Variants in FRMD6 observed in about 807,000 individuals in gnomAD.
The protein encoded by FRMD6 is FERM domain containing 6.
In FRMD6, 37 loss-of-function variants were observed where a neutral mutation model predicts 73.2. That is an observed-to-expected ratio of 0.51 (90% CI 0.39 to 0.66). The LOEUF is 0.66. Ranked by LOEUF, FRMD6 falls within the 30% of genes least tolerant of loss-of-function variation. The probability of loss-of-function intolerance (pLI) is 0.00; values close to 1 mark genes in which losing one functional copy is unlikely to be tolerated. For synonymous variants in FRMD6, 273 were observed against 282.2 expected, an observed-to-expected ratio of 0.97 and a Z score of 0.33; for missense variants, 714 against 780.5, an observed-to-expected ratio of 0.91 and a Z score of 1.02.
intron 2 of FRMD6, among the ~76,000 whole-genome samples, chr14:51,596,104 C>A (rs534534245): frequency 6.6e-6 from 1 of 152,176 alleles, no homozygotes; most frequent in East Asian, 1.9e-4. Flanking sequence ...GATTAAAAAG[C>A]AGCAACAGCA....
intron 1 of FRMD6, among the ~76,000 whole-genome samples, chr14:51,563,424 C>T (rs1309201369): frequency 3.9e-5 from 6 of 152,290 alleles, no homozygotes; most frequent in Admixed American, 2.0e-4. Context: ...AATCCCAGCA[C>T]TTTGGGAGGC....
chr14:51,517,843 G>A (rs1884716082), intron 1 of FRMD6, among the ~76,000 whole-genome samples: 1 of 149,998 alleles, frequency 6.7e-6, no homozygotes. Flanking sequence ...CTCACAGATA[G>A]TACTACTAGG....
In FRMD6 at chr14:51,586,734, C is replaced by CTTA. The variant is rs141367143; in HGVS notation, c.-147+16337_-147+16339dup. ...TCTTATGTTCAGGTCTTTACTTTAT[C>CTTA]TTATTATTATTATTAATCATTATTT... On this transcript the variant is annotated intron_variant, in intron 2 of 14. Transcript: ENST00000356218. Among the ~76,000 whole-genome samples, 15 of 150,658 alleles carry CTTA rather than the reference C, an allele frequency of 1.0e-4. No individual in the cohort carries two copies. The East Asian group carries it at 2.2e-3, about 22-fold the overall frequency.
intron 1 of FRMD6, among the ~76,000 whole-genome samples, chr14:51,541,410 C>T (rs1886194159): frequency 6.6e-6 from 1 of 152,122 alleles, no homozygotes; most frequent in South Asian, 2.1e-4. Flanking sequence ...CAAAACTCCT[C>T]TTCTCATGGA....
In FRMD6 at chr14:51,619,198, G is replaced by T. The variant is rs75140864; in HGVS notation, c.-147+48788G>T. On this transcript the variant is annotated intron_variant, in intron 2 of 14. Transcript: ENST00000356218. ...TTACATGAAAACATGAATATACATA[G>T]TATCTATACAGAAGCTGAACAATAT... Among the ~76,000 whole-genome samples, 351 of 152,044 alleles carry T rather than the reference G, an allele frequency of 2.3e-3. 1 individual carries two copies. Among genetic ancestry groups the T allele is most frequent in the African/African-American group, 7.8e-3 (325 of 41,528 alleles).
chr14:51,711,497 A>T, intron 7 of FRMD6, 34 bp from the exon 8 acceptor site: 2 of 1,416,666 alleles, frequency 1.4e-6, no homozygotes, highest in Non-Finnish European at 2.0e-6. Context: ...ATATATAAAA[A>T]CATTTAATTT....
chr14:51,484,783 C>A (rs1489243278), upstream of FRMD6, among the ~76,000 whole-genome samples: 4 of 152,164 alleles, frequency 2.6e-5, no homozygotes, highest in Non-Finnish European at 4.4e-5. Flanking sequence ...ATGATGAGTG[C>A]CAGTTTCTCA....
At chr14:51,406,684 A>T in the FRMD6 span, among the ~76,000 whole-genome samples, 2 of 151,902 alleles carry the variant, frequency 1.3e-5, no homozygotes, top group Admixed American at 1.3e-4. Flanking sequence ...TACTAATTAG[A>T]TCCTCCACCC....
intron 1 of FRMD6, chr14:51,522,782 C>T (rs1885021993): frequency 6.6e-6 from 1 of 152,166 alleles, no homozygotes; most frequent in African/African-American, 2.4e-5. Context: ...AGGAGTCAGA[C>T]CTAAAAGAAA....
chr14:51,604,319 G>A (rs1890159160), intron 2 of FRMD6, among the ~76,000 whole-genome samples: 1 of 152,152 alleles, frequency 6.6e-6, no homozygotes, highest in African/African-American at 2.4e-5. Context: ...CTCTGGCCTT[G>A]TGGTGGGTTG....
chr14:51,482,514 CCT>C, the FRMD6 span, among the ~76,000 whole-genome samples: 1 of 152,144 alleles, frequency 6.6e-6, no homozygotes, highest in Non-Finnish European at 1.5e-5. Context: ...CATTTTACTC[CCT>C]CTATCTCTGC....
At chr14:51,451,953 T>C in the FRMD6 span, among the ~76,000 whole-genome samples, 1 of 152,232 alleles carries the variant, frequency 6.6e-6, no homozygotes, top group East Asian at 1.9e-4. Context: ...CGTGGAGGAC[T>C]TTGACATATC....
At chr14:51,724,965 G>A (rs988053426) in intron 12 of FRMD6, among the ~76,000 whole-genome samples, 5 of 152,068 alleles carry the variant, frequency 3.3e-5, no homozygotes, top group East Asian at 1.9e-4. Context: ...GGTTTCCACC[G>A]AGTGCTAAAG....
At chr14:51,629,158 C>T (rs567640292) in intron 2 of FRMD6, among the ~76,000 whole-genome samples, 3 of 152,138 alleles carry the variant, frequency 2.0e-5, no homozygotes, top group Non-Finnish European at 2.9e-5. Context: ...GGATTACAGG[C>T]GTGAGCCACC....
At chr14:51,613,891 A>G (rs899511909) in intron 2 of FRMD6, among the ~76,000 whole-genome samples, 2 of 152,138 alleles carry the variant, frequency 1.3e-5, no homozygotes, top group African/African-American at 4.8e-5. Context: ...TTAGCCCAAT[A>G]CAGATATTAT....
At chr14:51,608,180 C>G (rs1890342097) in intron 2 of FRMD6, among the ~76,000 whole-genome samples, 1 of 152,226 alleles carries the variant, frequency 6.6e-6, no homozygotes, top group Non-Finnish European at 1.5e-5. Context: ...AGAGTGTGCT[C>G]TGGGCACCCA....
At chr14:51,654,506 C>G (rs893933631) in intron 1 of FRMD6, among the ~76,000 whole-genome samples, 2 of 151,608 alleles carry the variant, frequency 1.3e-5, no homozygotes, top group East Asian at 1.9e-4. Context: ...TGTCTCACAA[C>G]TAACTTTTTT....
At chr14:51,551,052 C>G (rs2139436621) in intron 1 of FRMD6, among the ~76,000 whole-genome samples, 2 of 152,250 alleles carry the variant, frequency 1.3e-5, no homozygotes, top group South Asian at 4.1e-4. Flanking sequence ...CATGGTCTAT[C>G]TGCCAAGTGG....
chr14:51,417,231 C>A, the FRMD6 span, among the ~76,000 whole-genome samples: 1 of 152,172 alleles, frequency 6.6e-6, no homozygotes, highest in Non-Finnish European at 1.5e-5. Context: ...TTAGTTGATG[C>A]AGTTTCTTCC....
Sources: gnomAD v4.1 joint callset for allele counts (sites outside exome capture counted in the v4.1 genomes callset) on GRCh38, gnomAD v4.1.1 for gene constraint, MANE v1.5 for transcripts, NCBI Gene and HGNC (gene_info 2026-07-23, HGNC 2026-07-21) for gene names.